Variants in CSGALNACT1 observed in about 807,000 individuals in gnomAD.
CSGALNACT1 encodes chondroitin sulfate N-acetylgalactosaminyltransferase 1.
A neutral mutation model predicts 51.0 loss-of-function variants in CSGALNACT1; 52 were observed. The ratio of observed to expected loss-of-function variants is 1.02; its 90% CI spans 0.82 to 1.29. The LOEUF (loss-of-function observed/expected upper bound fraction) is 1.29. Among genes scored for constraint, CSGALNACT1 ranks in the 50% most tolerant of loss-of-function variants. CSGALNACT1 has a pLI of 0.00. For synonymous variants in CSGALNACT1, 341 were observed against 254.4 expected, an observed-to-expected ratio of 1.34 and a Z score of -3.24; for missense variants, 935 against 679.2, an observed-to-expected ratio of 1.38 and a Z score of -4.19.
intron 3 of CSGALNACT1, among the ~76,000 whole-genome samples, chr8:19,513,745 C>T (rs569078173): frequency 6.6e-6 from 1 of 152,088 alleles, no homozygotes; most frequent in Non-Finnish European, 1.5e-5. Context: ...GCTAACAAAC[C>T]TGTACCACAT....
intron 3 of CSGALNACT1, among the ~76,000 whole-genome samples, chr8:19,577,154 C>T (rs1306982334): frequency 6.6e-6 from 1 of 152,124 alleles, no homozygotes; most frequent in East Asian, 1.9e-4. Context: ...AACCAGTGCC[C>T]CTTCTTGCAC....
chr8:19,716,174 T>G lies in CSGALNACT1; in HGVS notation c.-297+41676A>C, dbSNP rs1427696165. 2.0e-5 allele frequency among the ~76,000 whole-genome samples: 3 copies of G among 152,044 alleles called. No homozygotes were observed. The East Asian group carries it at 5.8e-4, about 29-fold the overall frequency. On this transcript the variant is annotated intron_variant, in intron 1 of 1. Transcript: ENST00000517494. Reference sequence around the variant, plus strand: ...ACAGTCCTGAATCTAGCTTGTAATCTTGCTCCCGTCCCAAAATAAAGCTTT... The same window carrying G: ...ACAGTCCTGAATCTAGCTTGTAATCGTGCTCCCGTCCCAAAATAAAGCTTT...
rs2059243232 is a variant in CSGALNACT1 at position 19,666,809 on chromosome 8, A to AG, written c.-544+15663_-544+15664insC. ...AAAGAAAGAAAGAAAGAAAGAAAGA[A>AG]AGAGAGAGAGAGAGAGAGAGAGAGA... On this transcript the variant is annotated intron_variant, in intron 1 of 9. Coordinates refer to the CSGALNACT1 transcript ENST00000332246. 9.2e-4 allele frequency among the ~76,000 whole-genome samples: 23 copies of AG among 25,102 alleles called. 1 individual carries two copies. Among genetic ancestry groups the AG allele is most frequent in the South Asian group, 4.3e-3 (3 of 696 alleles). 16.5% of individuals were successfully genotyped at this position (25,102 alleles called of 152,430 possible).
chr8:19,611,811 G>A (rs1035941140), intron 1 of CSGALNACT1, among the ~76,000 whole-genome samples: 1 of 152,060 alleles, frequency 6.6e-6, no homozygotes, highest in African/African-American at 2.4e-5. Flanking sequence ...ATGGTGGAAG[G>A]CAAGGGGAAT....
At chr8:19,653,623 A>G (rs1235255419) in intron 1 of CSGALNACT1, among the ~76,000 whole-genome samples, 1 of 152,004 alleles carries the variant, frequency 6.6e-6, no homozygotes, top group East Asian at 1.9e-4. Context: ...GTGAGATCCC[A>G]TTTCTACAAA....
intron 1 of CSGALNACT1, among the ~76,000 whole-genome samples, chr8:19,655,308 C>T (rs1029666094): frequency 1.3e-5 from 2 of 152,124 alleles, no homozygotes; most frequent in African/African-American, 2.4e-5. Flanking sequence ...CTTACCCACT[C>T]TGACAGTCTT....
intron 1 of CSGALNACT1, among the ~76,000 whole-genome samples, chr8:19,640,189 C>A (rs1477537930): frequency 6.6e-6 from 1 of 152,202 alleles, no homozygotes; most frequent in Non-Finnish European, 1.5e-5. Flanking sequence ...CATCTCCCAT[C>A]TCAACCTCTA....
intron 3 of CSGALNACT1, among the ~76,000 whole-genome samples, chr8:19,538,696 G>C (rs772198228): frequency 7.2e-5 from 11 of 152,108 alleles, no homozygotes; most frequent in Non-Finnish European, 1.0e-4. Flanking sequence ...CTTATACTTT[G>C]GGCAAGACAA....
At chr8:19,712,127 G>A (rs766470255) in intron 1 of CSGALNACT1, among the ~76,000 whole-genome samples, 2 of 152,148 alleles carry the variant, frequency 1.3e-5, no homozygotes, top group African/African-American at 2.4e-5. Flanking sequence ...CCAGGTTCAC[G>A]GCATTCTCCT....
intron 3 of CSGALNACT1, among the ~76,000 whole-genome samples, chr8:19,546,540 C>T (rs2975477): frequency 1.3e-5 from 2 of 152,158 alleles, no homozygotes; most frequent in Non-Finnish European, 2.9e-5. Context: ...CTACAAGTTT[C>T]TTAAACAAAT....
chr8:19,715,797 C>T (rs2062772892), intron 1 of CSGALNACT1, among the ~76,000 whole-genome samples: 2 of 152,024 alleles, frequency 1.3e-5, no homozygotes, highest in Admixed American at 6.6e-5. Flanking sequence ...GTTGGGCTGA[C>T]TTGGAGGTTT....
chr8:19,513,593 G>A (rs55647560), intron 3 of CSGALNACT1, among the ~76,000 whole-genome samples: 23,725 of 151,648 alleles, frequency 0.16, 2,217 homozygotes, highest in Non-Finnish European at 0.21. Context: ...TTATGCCATT[G>A]CTTAATGAAA....
At chr8:19,456,515 C>T (rs1320144130) in intron 5 of CSGALNACT1, among the ~76,000 whole-genome samples, 8 of 152,246 alleles carry the variant, frequency 5.3e-5, no homozygotes, top group South Asian at 4.1e-4. Flanking sequence ...GCATTCAGAA[C>T]GCCGCAGGTT....
intron 7 of CSGALNACT1, 65 bp from the exon 7 acceptor site, chr8:19,418,815 C>T (rs1282662340): frequency 1.5e-5 from 17 of 1,171,830 alleles, no homozygotes; most frequent in Admixed American, 3.5e-5. Flanking sequence ...TGTTCCTTGA[C>T]ATTTGGCCCT....
At chr8:19,438,861 A>C (rs1027769701) in intron 6 of CSGALNACT1, among the ~76,000 whole-genome samples, 10 of 152,234 alleles carry the variant, frequency 6.6e-5, no homozygotes, top group Non-Finnish European at 1.3e-4. Context: ...CTAGTAACAA[A>C]GCATAAAAAT....
chr8:19,588,763 A>C (rs1168957640), intron 3 of CSGALNACT1, among the ~76,000 whole-genome samples: 3 of 152,192 alleles, frequency 2.0e-5, no homozygotes, highest in Non-Finnish European at 4.4e-5. Context: ...GCATGACATG[A>C]GTTCAAGACA....
intron 4 of CSGALNACT1, among the ~76,000 whole-genome samples, chr8:19,462,010 C>T (rs1459789640): frequency 6.6e-6 from 1 of 152,126 alleles, no homozygotes; most frequent in Admixed American, 6.5e-5. Flanking sequence ...CCATGGAGGG[C>T]CTATCCACAC....
At chr8:19,561,339 C>T (rs752645151) in intron 3 of CSGALNACT1, among the ~76,000 whole-genome samples, 5 of 152,076 alleles carry the variant, frequency 3.3e-5, no homozygotes, top group African/African-American at 4.8e-5. Context: ...AGAAAACAAA[C>T]GTGTAAATTT....
At chr8:19,721,802 T>C (rs546001840) in intron 1 of CSGALNACT1, among the ~76,000 whole-genome samples, 38 of 152,334 alleles carry the variant, frequency 2.5e-4, no homozygotes, top group Admixed American at 6.5e-4. Context: ...AACATGCTAA[T>C]TGGCTTTAGC....
Sources: gnomAD v4.1 joint callset for allele counts (sites outside exome capture counted in the v4.1 genomes callset) on GRCh38, gnomAD v4.1.1 for gene constraint, MANE v1.5 for transcripts, NCBI Gene and HGNC (gene_info 2026-07-23, HGNC 2026-07-21) for gene names.